CAMKK1: variants seen among roughly 807,000 people sequenced by gnomAD.
CAMKK1 encodes calcium/calmodulin dependent protein kinase kinase 1.
CAMKK1 carries 20 observed loss-of-function variants against 63.5 expected under a neutral mutation model. The observed-to-expected ratio is 0.32, with a 90% CI of 0.22 to 0.46. The LOEUF (loss-of-function observed/expected upper bound fraction) is 0.46. Among genes scored for constraint, CAMKK1 ranks in the 20% least tolerant of loss-of-function variants. The pLI, the probability that CAMKK1 is intolerant of heterozygous loss-of-function variation, is 1.00. For synonymous variants in CAMKK1, 253 were observed against 269.0 expected, an observed-to-expected ratio of 0.94 and a Z score of 0.58; for missense variants, 588 against 658.1, an observed-to-expected ratio of 0.89 and a Z score of 1.17.
chr17:3,863,896 A>C (rs1892447446), intron 15 of CAMKK1, among the ~76,000 whole-genome samples: 1 of 152,080 alleles, frequency 6.6e-6, no homozygotes. Context: ...ACAGGCTCTG[A>C]GTCAGAAGGA....
At chr17:3,868,656 T>C (rs533987577) in intron 14 of CAMKK1, among the ~76,000 whole-genome samples, 2 of 151,442 alleles carry the variant, frequency 1.3e-5, no homozygotes, top group South Asian at 4.1e-4. Flanking sequence ...CATCTATTTC[T>C]TTCTTTTTTT....
chr17:3,881,660 G>A lies in CAMKK1; in HGVS notation c.686-12C>T, dbSNP rs552620105. 9 of 1,564,686 alleles carry A rather than the reference G, an allele frequency of 5.8e-6. No individual in the cohort carries two copies. The highest frequency in any genetic ancestry group is 4.0e-5 in the African/African-American group (3 of 74,090). On this transcript the variant is annotated splice_polypyrimidine_tract_variant and intron_variant, in intron 7 of 15. Coordinates refer to ENST00000348335, the MANE Select transcript of CAMKK1 (RefSeq NM_032294.3). Reference sequence around the variant, plus strand: ...CAGGAGGTCAAACACTGAAAGAAAAGACAAGAAGGTAAGGTGTAGCTGGCT... The same window carrying A: ...CAGGAGGTCAAACACTGAAAGAAAAAACAAGAAGGTAAGGTGTAGCTGGCT...
In CAMKK1 at chr17:3,882,184, T is replaced by G; in HGVS notation, c.685+344A>C. 9.4e-7 allele frequency: 1 copy of G among 1,065,764 alleles called. No individual in the cohort carries two copies. Among genetic ancestry groups the G allele is most frequent in the Non-Finnish European group, 1.4e-6 (1 of 714,268 alleles). 66.0% of individuals were successfully genotyped at this position (1,065,764 alleles called of 1,614,324 possible). ...GAGGTAGACACCACTAGTATCCCTG[T>G]TTTATAGGTGGGAAAACTGAGGCAC... On this transcript the variant is annotated intron_variant, in intron 7 of 15. Transcript: ENST00000348335. This position sits in a 1 kb window ranked among gnomAD's most constrained non-coding sequence, Gnocchi z 4.3.
Position 3,874,918 on chromosome 17 carries a change from C to G in CAMKK1, c.996+1305G>C, listed in dbSNP as rs370710636. On this transcript the variant is annotated intron_variant, in intron 10 of 15. Coordinates refer to ENST00000348335, the MANE Select transcript of CAMKK1 (RefSeq NM_032294.3). ...GGGCGGATCACGAGGTCAGGAGATCCAGACCATCCTGGCTAACACGGTGAA... is the reference window on the plus strand; with the variant it reads ...GGGCGGATCACGAGGTCAGGAGATCGAGACCATCCTGGCTAACACGGTGAA... 4.5e-3 allele frequency among the ~76,000 whole-genome samples: 679 copies of G among 151,244 alleles called. 7 individuals are homozygous for G. The highest frequency in any genetic ancestry group is 0.015 in the African/African-American group (636 of 41,284).
chr17:3,869,695 G>C (rs904038399), intron 13 of CAMKK1, 80 bp from the exon 14 acceptor site: 43 of 1,607,078 alleles, frequency 2.7e-5, no homozygotes, highest in Admixed American at 3.3e-5. Context: ...AAAGTCCACA[G>C]ACTCAAACCC....
In CAMKK1 at chr17:3,864,864, G is replaced by A. The variant is rs546585451; in HGVS notation, c.1445+1044C>T. ...ACGAGGGGTCCCGACCCTTCTGAAGGGCCCTCTTATGAGAGGGAGGCCTCA... is the reference window on the plus strand; with the variant it reads ...ACGAGGGGTCCCGACCCTTCTGAAGAGCCCTCTTATGAGAGGGAGGCCTCA... On this transcript the variant is annotated intron_variant, in intron 15 of 15. Transcript: ENST00000348335. 5.9e-5 allele frequency among the ~76,000 whole-genome samples: 9 copies of A among 152,306 alleles called. 1 individual carries two copies. In the South Asian group the frequency reaches 1.9e-3, roughly 32 times the overall value.
chr17:3,874,120 A>T (rs1236175591), intron 10 of CAMKK1, among the ~76,000 whole-genome samples: 16 of 152,206 alleles, frequency 1.1e-4, no homozygotes, highest in Non-Finnish European at 8.8e-5. Flanking sequence ...CATCATCTGA[A>T]TCCAACCAGG....
Position 3,876,376 on chromosome 17 carries a change from C to G in CAMKK1, c.843G>C (p.Leu281=), listed in dbSNP as rs1320278813. 1 of 1,614,114 alleles carries G rather than the reference C, an allele frequency of 6.2e-7. No individual in the cohort carries two copies. Among genetic ancestry groups the G allele is most frequent in the Non-Finnish European group, 8.5e-7 (1 of 1,180,056 alleles). The change falls in exon 10 of 16, where the codon CTG becomes CTC. Residue 281 remains leucine, a synonymous_variant. Transcript: ENST00000348335. The stretch of plus-strand genomic sequence containing the variant: ...TCACGTGCCCATCATCCCCCAGGAG[C>G]AGGTTGGATGGCTTGATGTCCCTGT... ...IVHRDIKPSN[L]LLGDDGHVKI... is the part of the protein sequence containing the mutation.
Position 3,872,877 on chromosome 17 carries a change from G to A in CAMKK1, c.1051-250C>T, listed in dbSNP as rs539282725. Among the ~76,000 whole-genome samples the A allele has an allele frequency of 7.2e-5, 11 of 152,264 alleles. 1 individual carries two copies. Among genetic ancestry groups the A allele is most frequent in the Admixed American group, 7.2e-4 (11 of 15,304 alleles). On this transcript the variant is annotated intron_variant, in intron 11 of 15. Coordinates refer to ENST00000348335, the MANE Select transcript of CAMKK1 (RefSeq NM_032294.3). ...CCCGCGGCCAGGCCAGGCCAGGCTG[G>A]GTGCACCCACCACCATTACCGCCAC...
chr17:3,886,915 AGAAG>A (rs1189212326), intron 1 of CAMKK1, among the ~76,000 whole-genome samples: 1 of 152,058 alleles, frequency 6.6e-6, no homozygotes. Flanking sequence ...TGTTCTCAGG[AGAAG>A]GAAGTGAGTG....
rs1468190617 is a variant in CAMKK1 at position 3,892,476 on chromosome 17, G to A, written c.-44+463C>T. Among the ~76,000 whole-genome samples the A allele has an allele frequency of 6.6e-6, 1 of 152,074 alleles. No homozygotes were observed. Among genetic ancestry groups the A allele is most frequent in the Non-Finnish European group, 1.5e-5 (1 of 67,994 alleles). On this transcript the variant is annotated intron_variant, in intron 1 of 15. Coordinates refer to ENST00000348335, the MANE Select transcript of CAMKK1 (RefSeq NM_032294.3). The surrounding 1 kb of genome is among the most constrained non-coding windows in gnomAD (Gnocchi z 7.5). ...GGCAGGACCCTGCGCAGCCTGAGCCGCGCGCCGCCGCCGCCCCATTCATCT... is the reference window on the plus strand; with the variant it reads ...GGCAGGACCCTGCGCAGCCTGAGCCACGCGCCGCCGCCGCCCCATTCATCT...
chr17:3,874,561 C>T (rs932963059), intron 10 of CAMKK1, among the ~76,000 whole-genome samples: 16 of 151,394 alleles, frequency 1.1e-4, no homozygotes, highest in South Asian at 2.1e-4. Flanking sequence ...TTAGTAGAGA[C>T]GGGGTTTCAC....
chr17:3,881,145 TG>T lies in CAMKK1; in HGVS notation c.707+481del, dbSNP rs1290929484. Reference sequence around the variant, plus strand: ...CGCATAGGGCAGACATGTGGAAGCCTGGGCTCCATCAGTGACTTGCTGTGTG... The same window carrying T: ...CGCATAGGGCAGACATGTGGAAGCCTGGCTCCATCAGTGACTTGCTGTGTG... On this transcript the variant is annotated intron_variant, in intron 8 of 15. Coordinates refer to ENST00000348335, the MANE Select transcript of CAMKK1 (RefSeq NM_032294.3). Among the ~76,000 whole-genome samples the T allele has an allele frequency of 3.3e-5, 5 of 152,322 alleles. No individual in the cohort carries two copies. In the East Asian group the frequency reaches 9.7e-4, roughly 29 times the overall value.
intron 1 of CAMKK1, among the ~76,000 whole-genome samples, chr17:3,888,818 C>T (rs1402664006): frequency 6.6e-6 from 1 of 152,136 alleles, no homozygotes; most frequent in Non-Finnish European, 1.5e-5. Context: ...GCCGCGTGTC[C>T]GGGAGACAGG....
chr17:3,883,632 G>GT lies in CAMKK1; in HGVS notation c.463-153dup. 2.5e-6 allele frequency: 2 copies of GT among 787,022 alleles called. No individual in the cohort carries two copies. The highest frequency in any genetic ancestry group is 2.2e-6 in the Non-Finnish European group (1 of 454,522). The allele number at this position is 787,022 out of a possible 1,614,324, so 48.8% of individuals were successfully genotyped here. A position where few individuals can be genotyped will look rare whatever the true frequency, so the allele number is the denominator to read the frequency against. ...AGGTAAGTGTTAAGCGGGGTTGGGG[G>GT]TGGCCATATCTGAGCCTAGCCCTTC... On this transcript the variant is annotated intron_variant, in intron 4 of 15. Transcript: ENST00000348335. The surrounding 1 kb of genome is among the most constrained non-coding windows in gnomAD (Gnocchi z 4.7).
rs869219931 is a variant in CAMKK1, at chr17:3,871,347, G to GTTTTTTTTTTTTTTTT, written c.1124+1191_1124+1206dup. The stretch of plus-strand genomic sequence containing the variant: ...TGTTGTTTTTTGTTTTTTTTTTTTT[G>GTTTTTTTTTTTTTTTT]TTTTTTTTTTTTTTTTTTTTTTTTT... On this transcript the variant is annotated intron_variant, in intron 12 of 15. Coordinates refer to ENST00000348335, the MANE Select transcript of CAMKK1 (RefSeq NM_032294.3). Among the ~76,000 whole-genome samples the GTTTTTTTTTTTTTTTT allele has an allele frequency of 5.8e-4, 61 of 104,362 alleles. 1 individual carries two copies. Among genetic ancestry groups the GTTTTTTTTTTTTTTTT allele is most frequent in the Admixed American group, 1.0e-3 (9 of 8,720 alleles). 68.5% of individuals were successfully genotyped at this position (104,362 alleles called of 152,430 possible). A position where few individuals can be genotyped will look rare whatever the true frequency, so the allele number is the denominator to read the frequency against.
At chr17:3,888,528 C>T (rs2055756804) in intron 1 of CAMKK1, among the ~76,000 whole-genome samples, 1 of 152,230 alleles carries the variant, frequency 6.6e-6, no homozygotes, top group South Asian at 2.1e-4. Flanking sequence ...TCTAGCGGGC[C>T]TCACCTCACC....
In CAMKK1 at chr17:3,884,348, G is replaced by A. The variant is rs752672833; in HGVS notation, c.408+32C>T. ...GCAGCGCCAAACAGAGAATCCCGAA[G>A]CCCCCACTGCTCTCGGCCTGCCCAC... On this transcript the variant is annotated intron_variant, in intron 3 of 15. Transcript: ENST00000348335. This position sits in a 1 kb window ranked among gnomAD's most constrained non-coding sequence, Gnocchi z 4.5. 1.8e-5 allele frequency: 29 copies of A among 1,609,698 alleles called. No individual in the cohort carries two copies. Among genetic ancestry groups the A allele is most frequent in the Admixed American group, 1.5e-4 (9 of 59,932 alleles).
chr17:3,887,802 G>C lies in CAMKK1; in HGVS notation c.-43-2072C>G, dbSNP rs2055720959. ...TGGAAACCAGACAGCATAGGAAGGA[G>C]GAAGCCAAAGCTGGGAACACCCTCC... is the stretch of plus-strand genomic sequence containing the variant. On this transcript the variant is annotated intron_variant, in intron 1 of 15. Transcript: ENST00000348335. The surrounding 1 kb of genome is among the most constrained non-coding windows in gnomAD (Gnocchi z 6.1). Among the ~76,000 whole-genome samples, 1 of 152,132 alleles carries C rather than the reference G, an allele frequency of 6.6e-6. No homozygotes were observed. Among genetic ancestry groups the C allele is most frequent in the Non-Finnish European group, 1.5e-5 (1 of 67,992 alleles).
Sources: gnomAD v4.1 joint callset for allele counts (sites outside exome capture counted in the v4.1 genomes callset) on GRCh38, gnomAD v4.1.1 for gene constraint, Gnocchi (gnomAD v3.1) non-coding constraint, MANE v1.5 for transcripts, NCBI Gene and HGNC (gene_info 2026-07-23, HGNC 2026-07-21) for gene names.